The following PRKCB variants were observed in gnomAD, a reference collection of about 807,000 sequenced individuals.
PRKCB encodes the protein protein kinase C beta.
A neutral mutation model predicts 81.5 loss-of-function variants in PRKCB; 13 were observed. The ratio of observed to expected loss-of-function variants is 0.16; its 90% CI spans 0.10 to 0.25. The LOEUF is 0.25. Among genes scored for constraint, PRKCB ranks in the 10% least tolerant of loss-of-function variants. The pLI, the probability that PRKCB is intolerant of heterozygous loss-of-function variation, is 1.00. For missense variants in PRKCB, 509 were observed against 875.7 expected (o/e 0.58, Z 5.29); for synonymous variants, 335 against 321.4 (o/e 1.04, Z -0.45).
intron 2 of PRKCB, among the ~76,000 whole-genome samples, chr16:23,959,637 G>T (rs1318125376): frequency 6.6e-6 from 1 of 152,156 alleles, no homozygotes; most frequent in Non-Finnish European, 1.5e-5. Flanking sequence ...CTTTTATCCA[G>T]CTGGAGTCTC....
At chr16:24,015,311 C>T (rs1000873747) in intron 3 of PRKCB, among the ~76,000 whole-genome samples, 8 of 152,220 alleles carry the variant, frequency 5.3e-5, no homozygotes, top group Admixed American at 3.9e-4. Flanking sequence ...ACTCAAGTAG[C>T]TTGCTCGAGG....
intron 2 of PRKCB, among the ~76,000 whole-genome samples, chr16:23,842,074 C>CA (rs1962277640): frequency 6.6e-6 from 1 of 152,122 alleles, no homozygotes; most frequent in Non-Finnish European, 1.5e-5. Flanking sequence ...TTTGGCCTCC[C>CA]AAAGTGTTTG....
At chr16:23,909,175 GT>G (rs1963613346) in intron 2 of PRKCB, among the ~76,000 whole-genome samples, 1 of 152,204 alleles carries the variant, frequency 6.6e-6, no homozygotes, top group Non-Finnish European at 1.5e-5. Context: ...TCTGGGACAG[GT>G]TTTTAATGGG....
chr16:24,204,587 G>A (rs1968015382), intron 16 of PRKCB, among the ~76,000 whole-genome samples: 2 of 152,118 alleles, frequency 1.3e-5, no homozygotes, highest in African/African-American at 4.8e-5. Flanking sequence ...TAGGATGAAT[G>A]GTGAAGAATA....
At chr16:24,049,593 C>T (rs912592500) in intron 5 of PRKCB, among the ~76,000 whole-genome samples, 4 of 152,186 alleles carry the variant, frequency 2.6e-5, no homozygotes, top group African/African-American at 7.2e-5. Flanking sequence ...TAGCATCATC[C>T]GGGACCTGCA....
chr16:24,044,900 A>G (rs2141864881), intron 5 of PRKCB, among the ~76,000 whole-genome samples: 1 of 152,360 alleles, frequency 6.6e-6, no homozygotes, highest in South Asian at 2.1e-4. Context: ...AAGCAACAGC[A>G]ACAGACACCT....
At chr16:24,068,042 G>A (rs1966060205) in intron 5 of PRKCB, among the ~76,000 whole-genome samples, 1 of 152,032 alleles carries the variant, frequency 6.6e-6, no homozygotes, top group Non-Finnish European at 1.5e-5. Context: ...CTCACTGTGT[G>A]CTGGTTTATA....
chr16:24,077,453 T>C (rs1966193620), intron 5 of PRKCB, among the ~76,000 whole-genome samples: 2 of 149,612 alleles, frequency 1.3e-5, no homozygotes, highest in African/African-American at 5.0e-5. Context: ...TTCATCCATC[T>C]AATCCATCCA....
intron 2 of PRKCB, chr16:23,963,042 A>G (rs1039131484): frequency 6.6e-6 from 1 of 152,258 alleles, no homozygotes; most frequent in African/African-American, 2.4e-5. Context: ...AATGGCCTCC[A>G]ACTTCATCCA....
At chr16:24,019,155 G>C in intron 3 of PRKCB, among the ~76,000 whole-genome samples, 1 of 148,246 alleles carries the variant, frequency 6.7e-6, no homozygotes, top group Admixed American at 6.7e-5. Flanking sequence ...ATGAACACTT[G>C]TATTAGGTTT....
At chr16:24,039,896 G>A (rs2141861015) in intron 5 of PRKCB, among the ~76,000 whole-genome samples, 1 of 152,310 alleles carries the variant, frequency 6.6e-6, no homozygotes, top group East Asian at 1.9e-4. Context: ...AGATCAGAGA[G>A]GAGCGAGCAC....
intron 16 of PRKCB, among the ~76,000 whole-genome samples, chr16:24,194,847 G>T (rs1305189919): frequency 6.6e-6 from 1 of 152,082 alleles, no homozygotes; most frequent in Non-Finnish European, 1.5e-5. Context: ...AAGTGTTCTG[G>T]TACCAGCTCT....
At chr16:24,181,848 A>G (rs995810549) in intron 13 of PRKCB, among the ~76,000 whole-genome samples, 2 of 151,912 alleles carry the variant, frequency 1.3e-5, no homozygotes, top group African/African-American at 4.8e-5. Context: ...AGAAATACAC[A>G]GAACACTGTT....
At chr16:23,866,579 C>A (rs1817420047) in intron 2 of PRKCB, among the ~76,000 whole-genome samples, 1 of 152,182 alleles carries the variant, frequency 6.6e-6, no homozygotes, top group Non-Finnish European at 1.5e-5. Flanking sequence ...GGCCACTTCC[C>A]TGTTGATGAA....
intron 2 of PRKCB, among the ~76,000 whole-genome samples, chr16:23,954,044 T>A (rs988728278): frequency 3.7e-4 from 56 of 152,020 alleles, no homozygotes; most frequent in Non-Finnish European, 5.0e-4. Context: ...AATTTTTTTT[T>A]AAATTTTATT....
rs150736435 is a variant in PRKCB at position 24,179,536 on chromosome 16, T to C, written c.1395-1254T>C. ...GGTGCAGAAATATAAAGCATTGACA[T>C]TGGAGTAGGTGTTTAGGGAGGAGGA... On this transcript the variant is annotated intron_variant, in intron 12 of 16. Coordinates refer to ENST00000643927, the MANE Select transcript of PRKCB (RefSeq NM_002738.7). Among the ~76,000 whole-genome samples, 66 of 152,266 alleles carry C rather than the reference T, an allele frequency of 4.3e-4. 4 individuals are homozygous for C. The East Asian group carries it at 0.013, about 29-fold the overall frequency.
chr16:24,027,651 G>A (rs1410064429), intron 3 of PRKCB, among the ~76,000 whole-genome samples: 1 of 152,196 alleles, frequency 6.6e-6, no homozygotes, highest in African/African-American at 2.4e-5. Flanking sequence ...GCAGAGGGTG[G>A]GAACGTTGTG....
intron 3 of PRKCB, among the ~76,000 whole-genome samples, chr16:24,014,024 C>G (rs750402936): frequency 6.6e-6 from 1 of 152,198 alleles, no homozygotes; most frequent in African/African-American, 2.4e-5. Context: ...ACAAACTCAC[C>G]GTGTCCTTCT....
At chr16:24,140,844 T>C (rs1056708023) in intron 9 of PRKCB, among the ~76,000 whole-genome samples, 1 of 152,158 alleles carries the variant, frequency 6.6e-6, no homozygotes, top group African/African-American at 2.4e-5. Flanking sequence ...AACTTGGCAG[T>C]CTTTCATTAG....
Sources: gnomAD v4.1 joint callset for allele counts (sites outside exome capture counted in the v4.1 genomes callset) on GRCh38, gnomAD v4.1.1 for gene constraint, MANE v1.5 for transcripts, NCBI Gene and HGNC (gene_info 2026-07-23, HGNC 2026-07-21) for gene names.